NR1I3: variants seen among roughly 807,000 people sequenced by gnomAD.
The protein encoded by NR1I3 is nuclear receptor subfamily 1 group I member 3, also known as constitutive activator of retinoid response.
A neutral mutation model predicts 38.4 loss-of-function variants in NR1I3; 30 were observed. The observed-to-expected ratio is 0.78, with a 90% CI of 0.58 to 1.06. NR1I3 has a LOEUF of 1.06. Ranked by LOEUF, NR1I3 falls within the 50% of genes least tolerant of loss-of-function variation. The probability of loss-of-function intolerance (pLI) is 0.00; values close to 1 mark genes in which losing one functional copy is unlikely to be tolerated. For synonymous variants in NR1I3, 143 were observed against 165.1 expected, an observed-to-expected ratio of 0.87 and a Z score of 1.03; for missense variants, 388 against 435.7, an observed-to-expected ratio of 0.89 and a Z score of 0.97.
At chr1:161,237,991 T>C in intron 1 of NR1I3, 50 bp downstream of exon 1, 1 of 1,542,808 alleles carries the variant, frequency 6.5e-7, no homozygotes, top group Non-Finnish European at 9.0e-7. Flanking sequence ...GCCCCCAGCA[T>C]TATCTGTATT....
At chr1:161,236,109 G>A (rs1176232785) in intron 2 of NR1I3, 132 bp from the exon 3 acceptor site, 2 of 1,016,780 alleles carry the variant, frequency 2.0e-6, no homozygotes, top group Non-Finnish European at 2.8e-6. Flanking sequence ...GTCCCCAGGG[G>A]TGGATAGTAT....
At chr1:161,236,038 T>G (rs749850750) in intron 2 of NR1I3, 61 bp from the exon 3 acceptor site, 1 of 1,524,416 alleles carries the variant, frequency 6.6e-7, no homozygotes. Context: ...GGGGCTGAGA[T>G]GACATGGTCT....
chr1:161,230,773 G>T, intron 8 of NR1I3, 40 bp downstream of exon 8: 1 of 1,613,168 alleles, frequency 6.2e-7, no homozygotes, highest in Non-Finnish European at 8.5e-7. Context: ...ACCCCTTCCT[G>T]CCCTGGTGTG....
chr1:161,233,959 G>GTA (rs72176119), intron 3 of NR1I3, among the ~76,000 whole-genome samples: 1 of 115,448 alleles, frequency 8.7e-6, no homozygotes, highest in East Asian at 2.5e-4. Flanking sequence ...GTATATATGT[G>GTA]TATATATATG....
chr1:161,236,420 G>C, intron 2 of NR1I3, 39 bp downstream of exon 2: 1 of 1,612,100 alleles, frequency 6.2e-7, no homozygotes, highest in Non-Finnish European at 8.5e-7. Context: ...TAGGGAGTTT[G>C]GTTTGGAGGG....
chr1:161,230,226 T>C, intron 8 of NR1I3: 1 of 409,598 alleles, frequency 2.4e-6, no homozygotes, highest in Non-Finnish European at 4.5e-6. Context: ...TCTGAGGGCC[T>C]GGCCTTCTAG....
chr1:161,235,703 A>G (rs1009301210), intron 3 of NR1I3, 144 bp downstream of exon 3: 20 of 952,134 alleles, frequency 2.1e-5, no homozygotes, highest in Non-Finnish European at 2.5e-5. Flanking sequence ...ATGGGGAGCC[A>G]TTGGATGTCT....
At chr1:161,233,800 C>T (rs1408480115) in intron 3 of NR1I3, among the ~76,000 whole-genome samples, 1 of 148,722 alleles carries the variant, frequency 6.7e-6, no homozygotes, top group African/African-American at 2.5e-5. Context: ...AATGAAACAA[C>T]CCCAGGATAG....
chr1:161,233,002 C>T (rs762251271), intron 4 of NR1I3, 56 bp from the exon 5 acceptor site: 3 of 1,603,522 alleles, frequency 1.9e-6, no homozygotes, highest in East Asian at 2.2e-5. Flanking sequence ...TCCTTTAGGC[C>T]TCGCCAGCCT....
At chr1:161,235,674 T>G in intron 3 of NR1I3, 173 bp downstream of exon 3, 140 of 675,018 alleles carry the variant, frequency 2.1e-4, no homozygotes, top group Middle Eastern at 4.4e-4. Flanking sequence ...AGCTAGATCA[T>G]GAGATCACGT....
At chr1:161,233,023 G>T in intron 4 of NR1I3, 77 bp from the exon 5 acceptor site, 1 of 1,595,236 alleles carries the variant, frequency 6.3e-7, no homozygotes, top group Non-Finnish European at 8.6e-7. Flanking sequence ...TATCTTGGAA[G>T]AGTTCCTTGC....
rs573911182 is a variant in NR1I3, at chr1:161,230,366, A to G, written c.918-440T>C. The G allele has an allele frequency of 1.2e-5, 4 of 324,314 alleles. No homozygotes were observed. The East Asian group carries it at 2.7e-4, about 22-fold the overall frequency. The allele number at this position is 324,314 out of a possible 1,614,324, so 20.1% of individuals were successfully genotyped here. ...AGCCTGGATAAATCACAGACTATTG[A>G]ACCTGGAACTGGCTTTGACCATGAA... On this transcript the variant is annotated intron_variant, in intron 8 of 8. Coordinates refer to ENST00000367983, the MANE Select transcript of NR1I3 (RefSeq NM_005122.5).
rs1558102747 is a variant in NR1I3 at position 161,229,941 on chromosome 1, G to C, written c.918-15C>G. The C allele has an allele frequency of 6.2e-7, 1 of 1,614,074 alleles. No homozygotes were observed. Among genetic ancestry groups the C allele is most frequent in the Non-Finnish European group, 8.5e-7 (1 of 1,179,968 alleles). ...CATACAGAAACCTTTGGAGGAAGTA[G>C]TGGGGTTGCCAGGAAAACAGGAGGG... On this transcript the variant is annotated splice_polypyrimidine_tract_variant and intron_variant, in intron 8 of 8. Coordinates refer to ENST00000367983, the MANE Select transcript of NR1I3 (RefSeq NM_005122.5).
chr1:161,232,008 G>A (rs947150312), intron 5 of NR1I3, among the ~76,000 whole-genome samples: 11 of 151,686 alleles, frequency 7.3e-5, no homozygotes, highest in Admixed American at 6.6e-4. Flanking sequence ...TTATTTTTGA[G>A]ACAGAGTGTT....
intron 8 of NR1I3, chr1:161,230,252 G>A: frequency 2.7e-6 from 1 of 374,296 alleles, no homozygotes; most frequent in Non-Finnish European, 4.9e-6. Flanking sequence ...GTTCTAGAAG[G>A]TGGATGTGTT....
Position 161,232,949 on chromosome 1 carries a change from G to T in NR1I3, c.409-3C>A. ...TGGATGAACAGATGAGCTGGAGGCT[G>T]CAATGATCAGAACATTAGCTAGAGG... On this transcript the variant is annotated splice_region_variant and splice_polypyrimidine_tract_variant and intron_variant, in intron 4 of 8. Transcript: ENST00000367983. The T allele has an allele frequency of 6.2e-7, 1 of 1,614,190 alleles. No individual in the cohort carries two copies. Among genetic ancestry groups the T allele is most frequent in the Admixed American group, 1.7e-5 (1 of 60,034 alleles).
intron 2 of NR1I3, 86 bp from the exon 3 acceptor site, chr1:161,236,063 TC>T: frequency 6.8e-7 from 1 of 1,461,108 alleles, no homozygotes; most frequent in African/African-American, 1.4e-5. Context: ...GACCTGGGAA[TC>T]TGGTGAAATG....
At chr1:161,233,921 A>ATATATATGTGTATACATG (rs1176489733) in intron 3 of NR1I3, among the ~76,000 whole-genome samples, 33 of 133,724 alleles carry the variant, frequency 2.5e-4, no homozygotes, top group Non-Finnish European at 4.9e-4. Flanking sequence ...GTATATATGT[A>ATATATATGTGTATACATG]TATATATGTG....
chr1:161,235,552 G>A (rs1488377727), intron 3 of NR1I3: 1 of 301,376 alleles, frequency 3.3e-6, no homozygotes. Context: ...ACAGGCGTGA[G>A]CCACCGCGCC....
Sources: gnomAD v4.1 joint callset for allele counts (sites outside exome capture counted in the v4.1 genomes callset) on GRCh38, gnomAD v4.1.1 for gene constraint, MANE v1.5 for transcripts, NCBI Gene and HGNC (gene_info 2026-07-23, HGNC 2026-07-21) for gene names.